FLI1: variants seen among roughly 807,000 people sequenced by gnomAD.
The protein encoded by FLI1 is Friend leukemia integration 1 transcription factor.
A neutral mutation model predicts 53.1 loss-of-function variants in FLI1; 13 were observed. The ratio of observed to expected loss-of-function variants is 0.24; its 90% CI spans 0.16 to 0.39. The LOEUF is 0.39. FLI1 is among the 10% of genes least tolerant of loss of function. The probability of loss-of-function intolerance (pLI) is 1.00; values close to 1 mark genes in which losing one functional copy is unlikely to be tolerated. For missense variants in FLI1, 424 were observed against 600.5 expected (o/e 0.71, Z 3.07); for synonymous variants, 244 against 236.7 (o/e 1.03, Z -0.28).
intron 1 of FLI1, among the ~76,000 whole-genome samples, chr11:128,704,428 C>T (rs751668548): frequency 5.3e-5 from 8 of 152,224 alleles, no homozygotes; most frequent in South Asian, 4.1e-4. Flanking sequence ...TAGGGCCTGA[C>T]GCCACTCTGG....
intron 1 of FLI1, among the ~76,000 whole-genome samples, chr11:128,722,355 A>G (rs1410922717): frequency 6.6e-6 from 1 of 152,196 alleles, no homozygotes; most frequent in Non-Finnish European, 1.5e-5. Context: ...GGAGAAGGGC[A>G]GGAGGAGGAT....
intron 5 of FLI1, among the ~76,000 whole-genome samples, chr11:128,783,391 A>G (rs1188001932): frequency 3.9e-5 from 6 of 152,366 alleles, no homozygotes; most frequent in African/African-American, 1.4e-4. Context: ...GAAGAATTAT[A>G]CAACATAATG....
At chr11:128,766,841 T>C (rs1941359471) in intron 2 of FLI1, among the ~76,000 whole-genome samples, 1 of 151,984 alleles carries the variant, frequency 6.6e-6, no homozygotes, top group South Asian at 2.1e-4. Flanking sequence ...ATCTGAACCT[T>C]ATCTGAACTC....
chr11:128,807,564 C>T (rs2071619), intron 7 of FLI1, among the ~76,000 whole-genome samples: 18,192 of 152,182 alleles, frequency 0.12, 1,156 homozygotes, highest in East Asian at 0.17. Flanking sequence ...AATAGGGCTA[C>T]AATCCCAGAT....
At chr11:128,771,417 G>A (rs1024855934) in intron 3 of FLI1, among the ~76,000 whole-genome samples, 1 of 152,208 alleles carries the variant, frequency 6.6e-6, no homozygotes. Flanking sequence ...AAACCAAGGT[G>A]GAATGGAGAG....
chr11:128,727,759 G>A (rs1218446402), intron 1 of FLI1, among the ~76,000 whole-genome samples: 4 of 152,198 alleles, frequency 2.6e-5, no homozygotes, highest in Admixed American at 1.3e-4. Flanking sequence ...AGAGATGCGT[G>A]CAACTGGCTC....
chr11:128,751,088 A>G (rs967894373), intron 1 of FLI1, among the ~76,000 whole-genome samples: 1 of 152,166 alleles, frequency 6.6e-6, no homozygotes, highest in African/African-American at 2.4e-5. Context: ...TGAGCCTGCA[A>G]TGGAATGACA....
At chr11:128,764,889 A>G in intron 2 of FLI1, 1 of 1,519,800 alleles carries the variant, frequency 6.6e-7, no homozygotes, top group South Asian at 1.2e-5. Context: ...GTGGGGAACC[A>G]GGATGGTGCC....
intron 1 of FLI1, among the ~76,000 whole-genome samples, chr11:128,701,149 G>A (rs757312332): frequency 6.6e-6 from 1 of 152,072 alleles, no homozygotes; most frequent in African/African-American, 2.4e-5. Flanking sequence ...TATGGCATTA[G>A]GGGAGGGAGG....
chr11:128,700,733 G>T (rs1938292891), intron 1 of FLI1, among the ~76,000 whole-genome samples: 1 of 152,100 alleles, frequency 6.6e-6, no homozygotes, highest in Non-Finnish European at 1.5e-5. Flanking sequence ...AATTAGCCGG[G>T]CATGGTGGCA....
chr11:128,708,931 A>G (rs1938669782), intron 1 of FLI1, among the ~76,000 whole-genome samples: 1 of 152,222 alleles, frequency 6.6e-6, no homozygotes, highest in South Asian at 2.1e-4. Context: ...ATAATGTGTC[A>G]ATGCTGTGTG....
intron 1 of FLI1, among the ~76,000 whole-genome samples, chr11:128,722,807 A>C (rs1055780923): frequency 6.6e-6 from 1 of 152,178 alleles, no homozygotes; most frequent in Admixed American, 6.5e-5. Context: ...CACCTCGTGC[A>C]GTCATTCTCC....
chr11:128,811,529 AAAG>A lies in FLI1; in HGVS notation c.*545_*547del, dbSNP rs1223585417. ...TTTTCACCCAACTGGAATTTGATGG[AAAG>A]AAGGTTTGTGTGTTTAAGACGCCAA... On this transcript the variant is annotated 3_prime_UTR_variant, in exon 9 of 9. Coordinates refer to ENST00000527786, the MANE Select transcript of FLI1 (RefSeq NM_002017.5). 1.3e-5 allele frequency: 3 copies of A among 231,436 alleles called. No homozygotes were observed. Among genetic ancestry groups the A allele is most frequent in the Non-Finnish European group, 1.7e-5 (2 of 117,908 alleles). The allele number at this position is 231,436 out of a possible 1,614,324, so 14.3% of individuals were successfully genotyped here.
intron 5 of FLI1, among the ~76,000 whole-genome samples, chr11:128,784,602 C>T (rs1237514776): frequency 1.3e-5 from 2 of 152,180 alleles, no homozygotes; most frequent in Admixed American, 6.5e-5. Flanking sequence ...TCCTCTATGC[C>T]TTCCCCTTGT....
chr11:128,752,534 A>T (rs575108258), intron 1 of FLI1, among the ~76,000 whole-genome samples: 15 of 152,246 alleles, frequency 9.9e-5, no homozygotes, highest in Non-Finnish European at 2.1e-4. Context: ...AGTTACACTT[A>T]AAGAGCTTAT....
At position 128,767,005 on chromosome 11, in the gene FLI1, G is replaced by GCAGCGGGCACTGGGTGTGA. The variant is rs567086232; in HGVS notation, c.231-1109_231-1091dup. Among the ~76,000 whole-genome samples, 490 of 152,168 alleles carry GCAGCGGGCACTGGGTGTGA rather than the reference G, an allele frequency of 3.2e-3. 2 individuals are homozygous for GCAGCGGGCACTGGGTGTGA. Among genetic ancestry groups the GCAGCGGGCACTGGGTGTGA allele is most frequent in the African/African-American group, 0.011 (453 of 41,500 alleles). Reference sequence around the variant, plus strand: ...GTCCTGCTGCTGCTGGAGTGGCTGAGCAGCGGGCACTGGGTGTGACAGGGT... The same window carrying GCAGCGGGCACTGGGTGTGA: ...GTCCTGCTGCTGCTGGAGTGGCTGAGCAGCGGGCACTGGGTGTGACAGCGGGCACTGGGTGTGACAGGGT... On this transcript the variant is annotated intron_variant, in intron 2 of 8. Coordinates refer to ENST00000527786, the MANE Select transcript of FLI1 (RefSeq NM_002017.5).
intron 2 of FLI1, chr11:128,764,614 C>G (rs1211503364): frequency 1.3e-6 from 2 of 1,522,886 alleles, no homozygotes; most frequent in East Asian, 4.9e-5. Context: ...GTCCCGCACT[C>G]CCCCTCCCTC....
At chr11:128,762,956 C>CAA (rs11301220) in intron 2 of FLI1, among the ~76,000 whole-genome samples, 2,099 of 146,412 alleles carry the variant, frequency 0.014, 51 homozygotes, top group African/African-American at 0.05. Flanking sequence ...AACACCATCT[C>CAA]AAAAAAAAAA....
At chr11:128,705,669 G>C (rs1416241664) in intron 1 of FLI1, among the ~76,000 whole-genome samples, 1 of 152,150 alleles carries the variant, frequency 6.6e-6, no homozygotes, top group Non-Finnish European at 1.5e-5. Flanking sequence ...GTTATTTCAA[G>C]GCTGATTGAC....
Sources: allele counts gnomAD v4.1 joint callset (sites outside exome capture counted in the v4.1 genomes callset), GRCh38; gene constraint gnomAD v4.1.1; transcripts MANE v1.5; gene names NCBI Gene and HGNC (gene_info 2026-07-23, HGNC 2026-07-21).